Variants in ANXA9 observed in about 807,000 individuals in gnomAD.
The protein encoded by ANXA9 is annexin 31.
Under a neutral mutation model 51.8 loss-of-function variants are expected in ANXA9, and 47 were observed. That is an observed-to-expected ratio of 0.91 (90% CI 0.72 to 1.16). The LOEUF (loss-of-function observed/expected upper bound fraction) is 1.16. Among genes scored for constraint, ANXA9 ranks in the 50% most tolerant of loss-of-function variants. The probability of loss-of-function intolerance (pLI) is 0.00; values close to 1 mark genes in which losing one functional copy is unlikely to be tolerated. For synonymous variants in ANXA9, 154 were observed against 168.7 expected (o/e 0.91, Z 0.68); for missense variants, 361 against 424.7 (o/e 0.85, Z 1.32).
intron 12 of ANXA9, among the ~76,000 whole-genome samples, chr1:150,993,984 C>A (rs965185805): frequency 3.2e-4 from 49 of 152,062 alleles, no homozygotes; most frequent in African/African-American, 1.1e-3. Flanking sequence ...AAAAAACAGG[C>A]CTGCTGCATG....
At chr1:150,985,869 G>A (rs1480329738) in intron 7 of ANXA9, among the ~76,000 whole-genome samples, 1 of 152,058 alleles carries the variant, frequency 6.6e-6, no homozygotes, top group African/African-American at 2.4e-5. Flanking sequence ...CCTGGCCGTG[G>A]CCTATGTTCT....
chr1:150,986,770 C>T, intron 9 of ANXA9, 109 bp downstream of exon 9: 1 of 1,130,610 alleles, frequency 8.8e-7, no homozygotes, highest in Non-Finnish European at 1.3e-6. Flanking sequence ...GCAAACCCAT[C>T]CCTGCCTTGG....
upstream of ANXA9, among the ~76,000 whole-genome samples, chr1:150,981,449 A>C (rs1671414713): frequency 6.6e-6 from 1 of 152,188 alleles, no homozygotes; most frequent in Admixed American, 6.5e-5. Flanking sequence ...AGGCTGGAGC[A>C]GTTGCTGCAT....
At chr1:150,980,310 C>T (rs1170866725), upstream of ANXA9, among the ~76,000 whole-genome samples, 5 of 151,574 alleles carry the variant, frequency 3.3e-5, no homozygotes, top group Non-Finnish European at 5.9e-5. Context: ...GCAGGAGAAT[C>T]GCTTGAACCC....
chr1:150,980,247 T>C (rs1485682468), upstream of ANXA9, among the ~76,000 whole-genome samples: 3 of 151,926 alleles, frequency 2.0e-5, no homozygotes, highest in East Asian at 5.8e-4. Flanking sequence ...ATACAAAAAA[T>C]TAGCCAGGCA....
chr1:150,986,601 G>A lies in ANXA9; in HGVS notation c.553-1G>A. 6 of 1,607,168 alleles carry A rather than the reference G, an allele frequency of 3.7e-6. No individual in the cohort carries two copies. Among genetic ancestry groups the A allele is most frequent in the Non-Finnish European group, 4.2e-6 (5 of 1,177,962 alleles). On this transcript the variant is annotated splice_acceptor_variant, in intron 8 of 13. Transcript: ENST00000368947. LOFTEE classifies it high-confidence loss of function. Reference sequence around the variant, plus strand: ...CCTCTAAGAACAGTTTCTCCTCCTAGGGGGGCCGTGACAGCTACTCTGGAA... The same window carrying A: ...CCTCTAAGAACAGTTTCTCCTCCTAAGGGGGCCGTGACAGCTACTCTGGAA...
rs41310861 is a variant in ANXA9, at chr1:150,984,147, G to T, written c.267+78G>T. ...GAGGACTCGAGAGACAGCAACAGCC[G>T]CTGAGGCCAGCCCCTGCTTCCTGGC... On this transcript the variant is annotated intron_variant, in intron 5 of 13. Transcript: ENST00000368947. 716 of 1,539,874 alleles carry T rather than the reference G, an allele frequency of 4.6e-4. 8 individuals are homozygous for T. In the African/African-American group the frequency reaches 8.8e-3, roughly 19 times the overall value.
rs748667030 is a variant in ANXA9 at position 150,987,900 on chromosome 1, G to A, written c.641G>A (p.Arg214Lys). 8.1e-6 allele frequency: 13 copies of A among 1,613,970 alleles called. No homozygotes were observed. In the Admixed American group the frequency reaches 2.0e-4, roughly 25 times the overall value. ...CTGCAGCGGGCAGAAGGACCTAGCA[G>A]AGAGGAAACATGGGTCCCAGTCTTC... ...QALQRAEGPS[R>K]EETWVPVFTQ... The change falls in exon 10 of 14, where the codon AGA (arginine) becomes AAA (lysine). Residue 214 changes from arginine to lysine, a missense_variant. Physicochemically the swap from Arg to Lys is conservative, Grantham distance 26. Transcript: ENST00000368947.
rs1671455799 is a variant in ANXA9 at position 150,983,186 on chromosome 1, G to T, written c.75+6G>T. On this transcript the variant is annotated splice_donor_region_variant and intron_variant, in intron 3 of 13. Coordinates refer to ENST00000368947, the MANE Select transcript of ANXA9 (RefSeq NM_003568.3). ...ACCTGGGCCTGGCCAGCAAGGTAGG[G>T]GCTGTTGGGATTTTAGAGATCACTT... 1.9e-6 allele frequency: 3 copies of T among 1,613,714 alleles called. No individual in the cohort carries two copies. The highest frequency in any genetic ancestry group is 2.5e-6 in the Non-Finnish European group (3 of 1,179,820).
chr1:150,990,364 G>GA (rs61093975), intron 12 of ANXA9, among the ~76,000 whole-genome samples: 49,293 of 148,684 alleles, frequency 0.33, 8,604 homozygotes, highest in South Asian at 0.58. Flanking sequence ...CCATTTTTCT[G>GA]AAAAAAAAAA....
intron 12 of ANXA9, among the ~76,000 whole-genome samples, chr1:150,990,803 G>A (rs587606139): frequency 5.3e-5 from 8 of 152,260 alleles, no homozygotes; most frequent in Non-Finnish European, 1.2e-4. Flanking sequence ...CCGAGGTGAC[G>A]CCACTGCGCT....
chr1:150,989,515 AC>A (rs1671648166), intron 12 of ANXA9, among the ~76,000 whole-genome samples: 1 of 151,706 alleles, frequency 6.6e-6, no homozygotes, highest in Non-Finnish European at 1.5e-5. Flanking sequence ...ACGTGGTGAA[AC>A]CCTGTCTCTA....
At chr1:150,981,462 C>T (rs1171374786), upstream of ANXA9, among the ~76,000 whole-genome samples, 3 of 152,178 alleles carry the variant, frequency 2.0e-5, no homozygotes, top group Non-Finnish European at 4.4e-5. Flanking sequence ...TGCTGCATGG[C>T]GGGGCGGGGG....
upstream of ANXA9, chr1:150,981,933 A>C (rs1231735661): frequency 2.0e-5 from 3 of 152,092 alleles, no homozygotes; most frequent in Admixed American, 2.0e-4. Context: ...CCTGCCCCCC[A>C]GGGAGCTGGA....
Position 150,988,176 on chromosome 1 carries a change from G to C in ANXA9, c.783G>C (p.Leu261=), listed in dbSNP as rs766263552. The change falls in exon 11 of 14, where the codon CTG becomes CTC. Residue 261 remains leucine, a synonymous_variant. Coordinates refer to ENST00000368947, the MANE Select transcript of ANXA9 (RefSeq NM_003568.3). ...NRFHGDAQVA[L]LGLASVIKNT... is the part of the protein sequence containing the mutation. ...TCCATGGAGATGCTCAGGTGGCTCT[G>C]CTCGGCCTAGGTAGGGGCCTGCTCA... 6.2e-7 allele frequency: 1 copy of C among 1,614,224 alleles called. No homozygotes were observed. The highest frequency in any genetic ancestry group is 1.1e-5 in the South Asian group (1 of 91,086).
intron 12 of ANXA9, among the ~76,000 whole-genome samples, chr1:150,989,582 T>C (rs1671649685): frequency 6.6e-6 from 1 of 151,838 alleles, no homozygotes; most frequent in Admixed American, 6.6e-5. Context: ...TTCCAGCTAC[T>C]TGGGAGTCTG....
In ANXA9 at chr1:150,983,326, G is replaced by A; in HGVS notation, c.76-12G>A. The A allele has an allele frequency of 6.2e-7, 1 of 1,613,592 alleles. No homozygotes were observed. The highest frequency in any genetic ancestry group is 8.5e-7 in the Non-Finnish European group (1 of 1,179,714). Reference sequence around the variant, plus strand: ...GGCCCTGGCCCTTGCCAACTACCCTGTGCTCCCACAGACTGCAGCGTGGGG... The same window carrying A: ...GGCCCTGGCCCTTGCCAACTACCCTATGCTCCCACAGACTGCAGCGTGGGG... On this transcript the variant is annotated splice_polypyrimidine_tract_variant and intron_variant, in intron 3 of 13. Coordinates refer to ENST00000368947, the MANE Select transcript of ANXA9 (RefSeq NM_003568.3).
In ANXA9 at chr1:150,983,344, G is replaced by A. The variant is rs16832595; in HGVS notation, c.82G>A (p.Ala28Thr). Reference protein sequence around the residue: ...SHLGLASKTAAWGTLGTLRTF... With the variant: ...SHLGLASKTATWGTLGTLRTF... ...CTACCCTGTGCTCCCACAGACTGCA[G>A]CGTGGGGGACCCTGGGCACCCTCAG... Residue 28 changes from alanine to threonine, a missense_variant, in exon 4 of 14, where the codon GCG becomes ACG. Physicochemically the swap from Ala to Thr is moderately conservative, Grantham distance 58. Coordinates refer to ENST00000368947, the MANE Select transcript of ANXA9 (RefSeq NM_003568.3). 2,479 of 1,614,034 alleles carry A rather than the reference G, an allele frequency of 1.5e-3. 36 individuals carry two copies. In the African/African-American group the frequency reaches 0.03, roughly 19 times the overall value.
chr1:150,995,391 A>C lies in ANXA9; in HGVS notation c.*69A>C, dbSNP rs1418530987. ...TTCCGTGTTTGGCTGAACCTGGGAG[A>C]CCAGCTGGGCCTCCAAGTAGGATAA... On this transcript the variant is annotated 3_prime_UTR_variant, in exon 14 of 14. Coordinates refer to ENST00000368947, the MANE Select transcript of ANXA9 (RefSeq NM_003568.3). The C allele has an allele frequency of 2.1e-6, 3 of 1,460,894 alleles. No individual in the cohort carries two copies. Among genetic ancestry groups the C allele is most frequent in the Non-Finnish European group, 2.8e-6 (3 of 1,071,608 alleles). 90.5% of individuals were successfully genotyped at this position (1,460,894 alleles called of 1,614,324 possible).
Sources: allele counts gnomAD v4.1 joint callset (sites outside exome capture counted in the v4.1 genomes callset), GRCh38; gene constraint gnomAD v4.1.1; transcripts MANE v1.5; gene names NCBI Gene and HGNC (gene_info 2026-07-23, HGNC 2026-07-21).